Variants in SETX observed in about 807,000 individuals in gnomAD.
SETX encodes helicase senataxin.
A neutral mutation model predicts 227.2 loss-of-function variants in SETX; 90 were observed. That is an observed-to-expected ratio of 0.40 (90% CI 0.33 to 0.47). The LOEUF (loss-of-function observed/expected upper bound fraction) is 0.47, where lower values mean the gene tolerates loss of function less well. SETX is among the 20% of genes least tolerant of loss of function. SETX has a pLI of 0.91. For synonymous variants in SETX, 1,210 were observed against 1,113.2 expected (o/e 1.09, Z -1.73); for missense variants, 3,052 against 3,181.5 (o/e 0.96, Z 0.98).
chr9:132,288,773 C>A (rs896951658), intron 15 of SETX, 122 bp from the exon 16 acceptor site: 5 of 725,968 alleles, frequency 6.9e-6, no homozygotes, highest in South Asian at 1.5e-5. Flanking sequence ...CAAACATGAA[C>A]TTCCAATTAA....
chr9:132,331,596 G>T, intron 7 of SETX, 148 bp from the exon 8 acceptor site: 1 of 788,486 alleles, frequency 1.3e-6, no homozygotes, highest in Admixed American at 2.1e-5. Flanking sequence ...GCCGCCACCA[G>T]TCCTCAGACA....
chr9:132,327,980 T>C lies in SETX; in HGVS notation c.3618A>G (p.Ser1206=). 6.2e-7 allele frequency: 1 copy of C among 1,613,940 alleles called. No homozygotes were observed. Among genetic ancestry groups the C allele is most frequent in the Non-Finnish European group, 8.5e-7 (1 of 1,179,970 alleles). ...CTCTCTGAATACGTGAATTGGGAGT[T>C]GAAGTCCTTCTATCAATACTTTTAA... ...NDFKSIDRRT[S]TPNSRIQRAT... Residue 1206 remains serine (S), a synonymous_variant, in exon 10 of 26, where the codon TCA becomes TCG. Coordinates refer to ENST00000224140, the MANE Select transcript of SETX (RefSeq NM_015046.7).
At chr9:132,321,472 T>G (rs978189716) in intron 10 of SETX, among the ~76,000 whole-genome samples, 2 of 151,960 alleles carry the variant, frequency 1.3e-5, no homozygotes, top group Non-Finnish European at 2.9e-5. Flanking sequence ...CTGGCCAACA[T>G]GGTGAAACCC....
intron 10 of SETX, among the ~76,000 whole-genome samples, chr9:132,325,628 C>T (rs1846690738): frequency 6.6e-6 from 1 of 152,036 alleles, no homozygotes; most frequent in Non-Finnish European, 1.5e-5. Context: ...CTATCAGCTC[C>T]AAGGAGCAGA....
At position 132,329,187 on chromosome 9, in the gene SETX, A is replaced by G. The variant is rs201096140; in HGVS notation, c.2411T>C (p.Leu804Ser). Residue 804 changes from leucine (L) to serine (S), a missense_variant, in exon 10 of 26, where the codon TTG (leucine) becomes TCG (serine). Around this residue, in one of 10 missense-constraint regions of SETX, gnomAD observed 1,483 missense variants for 1,312.0 expected, o/e 1.13. Coordinates refer to ENST00000224140, the MANE Select transcript of SETX (RefSeq NM_015046.7). The part of the protein sequence containing the change: ...VIKKQHRKST[L>S]VDNTINLDEN... ...ATCTAAATTGATAGTATTATCGACCAAAGTACTCTTCCTGTGTTGCTTCTT... is the reference window on the plus strand; with the variant it reads ...ATCTAAATTGATAGTATTATCGACCGAAGTACTCTTCCTGTGTTGCTTCTT... 4.2e-5 allele frequency: 67 copies of G among 1,613,518 alleles called. No individual in the cohort carries two copies. The highest frequency in any genetic ancestry group is 5.3e-5 in the Non-Finnish European group (63 of 1,179,902).
chr9:132,278,345 G>A (rs566728029), intron 20 of SETX, 88 bp from the exon 21 acceptor site: 57 of 1,295,296 alleles, frequency 4.4e-5, no homozygotes, highest in African/African-American at 4.0e-4. Flanking sequence ...GATCTAATAC[G>A]TATATGGCAA....
Position 132,300,726 on chromosome 9 carries a change from T to C in SETX, c.5452A>G (p.Ile1818Val), listed in dbSNP as rs975673593. The C allele has an allele frequency of 6.2e-7, 1 of 1,613,786 alleles. No individual in the cohort carries two copies. The highest frequency in any genetic ancestry group is 1.3e-5 in the African/African-American group (1 of 75,042). Residue 1818 changes from isoleucine to valine, a missense_variant, in exon 12 of 26, where the codon ATA (isoleucine) becomes GTA (valine). Ile to Val is a conservative substitution (Grantham distance 29). Coordinates refer to ENST00000224140, the MANE Select transcript of SETX (RefSeq NM_015046.7). Reference protein sequence around the residue: ...NDLVFLAPERINEEKKDTERN... With the variant: ...NDLVFLAPERVNEEKKDTERN... ...TCTGTATCTTTCTTCTCTTCATTTA[T>C]TCTCTCAGGAGCTAAAAACACCAAA...
chr9:132,340,247 T>C lies in SETX; in HGVS notation c.498+2443A>G, dbSNP rs761161826. On this transcript the variant is annotated intron_variant, in intron 5 of 25. Coordinates refer to ENST00000224140, the MANE Select transcript of SETX (RefSeq NM_015046.7). ...TAAGTTCTAGGGTCCATGTGCACAA[T>C]GTGTAGGTTTGTTGGTTCTCACGTT... 2.0e-5 allele frequency among the ~76,000 whole-genome samples: 3 copies of C among 152,296 alleles called. No homozygotes were observed. In the East Asian group the frequency reaches 5.8e-4, roughly 29 times the overall value.
intron 11 of SETX, among the ~76,000 whole-genome samples, chr9:132,306,586 A>C (rs1326198017): frequency 1.3e-5 from 2 of 152,214 alleles, no homozygotes; most frequent in Non-Finnish European, 2.9e-5. Flanking sequence ...TTAAAATATA[A>C]TTAGGTTCAC....
intron 20 of SETX, among the ~76,000 whole-genome samples, chr9:132,280,180 T>G (rs1843420099): frequency 6.6e-6 from 1 of 152,200 alleles, no homozygotes; most frequent in East Asian, 1.9e-4. Flanking sequence ...TAATTACCAC[T>G]AGAAACAGGT....
At chr9:132,315,828 T>C (rs1845932189) in intron 10 of SETX, among the ~76,000 whole-genome samples, 1 of 152,180 alleles carries the variant, frequency 6.6e-6, no homozygotes, top group Non-Finnish European at 1.5e-5. Flanking sequence ...CATCATTTGA[T>C]TTCTCCTTCG....
intron 15 of SETX, among the ~76,000 whole-genome samples, chr9:132,294,815 C>G (rs1038497909): frequency 2.3e-4 from 35 of 152,188 alleles, no homozygotes; most frequent in Non-Finnish European, 4.4e-5. Flanking sequence ...CAGATGGAGG[C>G]TGGGTCTCCA....
At chr9:132,335,346 G>T (rs538480864) in intron 6 of SETX, among the ~76,000 whole-genome samples, 10 of 123,698 alleles carry the variant, frequency 8.1e-5, no homozygotes, top group African/African-American at 3.1e-4. Context: ...AGCCGAGATC[G>T]CGCGACTGCA....
intron 1 of SETX, among the ~76,000 whole-genome samples, chr9:132,354,369 G>A (rs529077456): frequency 2.6e-5 from 4 of 151,766 alleles, no homozygotes; most frequent in Admixed American, 1.3e-4. Flanking sequence ...GGTGACGCGC[G>A]CCTATGGTCC....
At chr9:132,281,272 A>G (rs1323100631) in intron 20 of SETX, among the ~76,000 whole-genome samples, 195 bp downstream of exon 20, 1 of 151,164 alleles carries the variant, frequency 6.6e-6, no homozygotes, top group Non-Finnish European at 1.5e-5. Context: ...ACACATACAC[A>G]GAAGAACAAC....
At chr9:132,304,553 A>G (rs1845209059) in intron 11 of SETX, among the ~76,000 whole-genome samples, 1 of 151,732 alleles carries the variant, frequency 6.6e-6, no homozygotes, top group African/African-American at 2.4e-5. Flanking sequence ...GAAAATTCTC[A>G]GCCTGGGAGT....
Position 132,340,715 on chromosome 9 carries a change from T to G in SETX, c.498+1975A>C, listed in dbSNP as rs769199131. Among the ~76,000 whole-genome samples, 12 of 152,240 alleles carry G rather than the reference T, an allele frequency of 7.9e-5. No individual in the cohort carries two copies. In the South Asian group the frequency reaches 1.2e-3, roughly 16 times the overall value. On this transcript the variant is annotated intron_variant, in intron 5 of 25. Coordinates refer to ENST00000224140, the MANE Select transcript of SETX (RefSeq NM_015046.7). ...AGTGGTTAATTGGTCTCCACCTGCT[T>G]GTCTCAGTGCCTCACAAATATTAGG...
intron 10 of SETX, among the ~76,000 whole-genome samples, chr9:132,325,153 G>A (rs941271074): frequency 5.3e-5 from 8 of 151,922 alleles, no homozygotes; most frequent in Admixed American, 3.3e-4. Flanking sequence ...TCAGGAGATT[G>A]AGACCATCCT....
rs776432277 is a variant in SETX, at chr9:132,329,482, T to C, written c.2116A>G (p.Lys706Glu). The C allele has an allele frequency of 3.1e-6, 5 of 1,612,560 alleles. No homozygotes were observed. The highest frequency in any genetic ancestry group is 4.2e-6 in the Non-Finnish European group (5 of 1,179,870). The change falls in exon 10 of 26, where the codon AAA becomes GAA. Residue 706 changes from lysine (K) to glutamate (E), a missense_variant. Lys to Glu is a moderately conservative substitution (Grantham distance 56, BLOSUM62 1). Around this residue, in one of 10 missense-constraint regions of SETX, gnomAD observed 1,483 missense variants for 1,312.0 expected, o/e 1.13. Coordinates refer to ENST00000224140, the MANE Select transcript of SETX (RefSeq NM_015046.7). Reference sequence around the variant, plus strand: ...GACTTCTGCTTCCTTGTACTTATTTTAATTTGATCTTCAGCTCTTTCAGTA... The same window carrying C: ...GACTTCTGCTTCCTTGTACTTATTTCAATTTGATCTTCAGCTCTTTCAGTA... ...IFTERAEDQI[K>E]ISTRKQKSVK...
Sources: gnomAD v4.1 joint callset for allele counts (sites outside exome capture counted in the v4.1 genomes callset) on GRCh38, gnomAD v4.1.1 for gene constraint, gnomAD v4.1.1 regional missense constraint, MANE v1.5 for transcripts, NCBI Gene and HGNC (gene_info 2026-07-23, HGNC 2026-07-21) for gene names.